Variants in CADPS observed in about 807,000 individuals in gnomAD.
CADPS encodes calcium-dependent secretion activator 1.
A neutral mutation model predicts 167.3 loss-of-function variants in CADPS; 57 were observed. The ratio of observed to expected loss-of-function variants is 0.34; its 90% CI spans 0.28 to 0.42. The LOEUF (loss-of-function observed/expected upper bound fraction) is 0.42. CADPS is among the 20% of genes least tolerant of loss of function. The pLI, the probability that CADPS is intolerant of heterozygous loss-of-function variation, is 1.00. For synonymous variants in CADPS, 676 were observed against 635.3 expected, an observed-to-expected ratio of 1.06 and a Z score of -0.96; for missense variants, 1,414 against 1,738.1, an observed-to-expected ratio of 0.81 and a Z score of 3.32.
At chr3:62,550,882 C>A (rs769966682) in intron 10 of CADPS, 2 of 456,696 alleles carry the variant, frequency 4.4e-6, no homozygotes, top group South Asian at 3.1e-5. Flanking sequence ...CTTCAAGATG[C>A]TTTCTTTACT....
In CADPS at chr3:62,649,412, T is replaced by C. The variant is rs553583768; in HGVS notation, c.1203+1435A>G. On this transcript the variant is annotated intron_variant, in intron 5 of 29. Transcript: ENST00000383710. ...ATCATCATAAATTAGTTTTAGAATATTTTTAGTTTTCCTAACAAGATTTCT... is the reference window on the plus strand; with the variant it reads ...ATCATCATAAATTAGTTTTAGAATACTTTTAGTTTTCCTAACAAGATTTCT... Among the ~76,000 whole-genome samples the C allele has an allele frequency of 1.5e-3, 233 of 152,198 alleles. 1 individual carries two copies. Among genetic ancestry groups the C allele is most frequent in the African/African-American group, 5.5e-3 (227 of 41,528 alleles).
intron 9 of CADPS, among the ~76,000 whole-genome samples, chr3:62,566,899 T>C (rs921694392): frequency 1.3e-5 from 2 of 152,146 alleles, no homozygotes; most frequent in African/African-American, 4.8e-5. Flanking sequence ...TTCACAGAAT[T>C]CTGAACTTAT....
intron 1 of CADPS, among the ~76,000 whole-genome samples, chr3:62,776,655 AAACAAC>A (rs773417197): frequency 2.6e-5 from 4 of 152,136 alleles, no homozygotes; most frequent in South Asian, 2.1e-4. Context: ...CTCCATCTCA[AAACAAC>A]AACAACAACA....
intron 26 of CADPS, among the ~76,000 whole-genome samples, chr3:62,464,426 G>T (rs1271647027): frequency 6.6e-6 from 1 of 152,084 alleles, no homozygotes; most frequent in African/African-American, 2.4e-5. Context: ...CCTTTCCTAT[G>T]GTGTTGTCAG....
chr3:62,629,449 CA>C (rs2064823598), intron 6 of CADPS, among the ~76,000 whole-genome samples: 2 of 152,316 alleles, frequency 1.3e-5, no homozygotes, highest in South Asian at 4.1e-4. Context: ...ATGAGGACTT[CA>C]ATCCTTTTTA....
intron 1 of CADPS, among the ~76,000 whole-genome samples, chr3:62,786,200 A>C (rs1559613842): frequency 6.6e-6 from 1 of 152,032 alleles, no homozygotes; most frequent in Non-Finnish European, 1.5e-5. Context: ...GGGACAGAGC[A>C]AGACTCTGCT....
chr3:62,831,341 A>G (rs1480127151), intron 1 of CADPS, among the ~76,000 whole-genome samples: 1 of 152,182 alleles, frequency 6.6e-6, no homozygotes, highest in African/African-American at 2.4e-5. Context: ...CAGAGACACT[A>G]TCATATCTAG....
In CADPS at chr3:62,544,751, G is replaced by T; in HGVS notation, c.1966+5152C>A. 4.0e-6 allele frequency: 2 copies of T among 502,848 alleles called. No homozygotes were observed. Among genetic ancestry groups the T allele is most frequent in the Non-Finnish European group, 5.5e-6 (2 of 365,648 alleles). The allele number at this position is 502,848 out of a possible 1,614,324, so 31.1% of individuals were successfully genotyped here. A position where few individuals can be genotyped will look rare whatever the true frequency, so the allele number is the denominator to read the frequency against. ...ATGAAAAGTTGTACTACAAATTCTA[G>T]ACATGAGGAAGATTTAAGGGGGAGG... On this transcript the variant is annotated intron_variant, in intron 11 of 29. Transcript: ENST00000383710. This position sits in a 1 kb window ranked among gnomAD's most constrained non-coding sequence, Gnocchi z 4.4.
At chr3:62,843,154 A>C (rs939340390) in intron 1 of CADPS, among the ~76,000 whole-genome samples, 1 of 152,218 alleles carries the variant, frequency 6.6e-6, no homozygotes, top group African/African-American at 2.4e-5. Context: ...TTTTATGAAG[A>C]ATGATCTTCC....
chr3:62,534,639 A>G (rs913106560), intron 12 of CADPS, among the ~76,000 whole-genome samples: 1 of 152,196 alleles, frequency 6.6e-6, no homozygotes, highest in African/African-American at 2.4e-5. Context: ...AAAGAGTTGA[A>G]GAAATATCAA....
intron 1 of CADPS, among the ~76,000 whole-genome samples, chr3:62,780,984 G>T (rs765584032): frequency 2.8e-4 from 42 of 152,058 alleles, no homozygotes; most frequent in Non-Finnish European, 5.4e-4. Context: ...TATATCTTAG[G>T]ACTCGTACAT....
intron 13 of CADPS, among the ~76,000 whole-genome samples, chr3:62,522,649 A>G (rs141308596): frequency 1.3e-5 from 2 of 152,354 alleles, no homozygotes; most frequent in East Asian, 3.9e-4. Context: ...ATATAAGTTC[A>G]TAAAGCACAT....
Position 62,575,544 on chromosome 3 carries a change from C to T in CADPS, c.1578-4606G>A, listed in dbSNP as rs142364012. Among the ~76,000 whole-genome samples the T allele has an allele frequency of 2.1e-3, 325 of 152,228 alleles. 3 individuals are homozygous for T. Among genetic ancestry groups the T allele is most frequent in the Admixed American group, 0.017 (265 of 15,286 alleles). On this transcript the variant is annotated intron_variant, in intron 8 of 29. Coordinates refer to ENST00000383710, the MANE Select transcript of CADPS (RefSeq NM_003716.4). ...ATAGCTAGCTTAAAGTAAATACTTG[C>T]TATTAGATATATCATTATATACTAT...
At chr3:62,691,913 A>T (rs769498120) in intron 3 of CADPS, among the ~76,000 whole-genome samples, 57 of 152,088 alleles carry the variant, frequency 3.7e-4, no homozygotes, top group Non-Finnish European at 6.0e-4. Context: ...CATCCTGCAC[A>T]TGTACCCCTG....
intron 1 of CADPS, among the ~76,000 whole-genome samples, chr3:62,810,486 T>C (rs1016521552): frequency 3.3e-5 from 5 of 152,152 alleles, no homozygotes; most frequent in African/African-American, 9.7e-5. Context: ...ATTAAAATCA[T>C]TGGGGAAATT....
At position 62,557,095 on chromosome 3, in the gene CADPS, T is replaced by C. The variant is rs2078297066; in HGVS notation, c.1753+310A>G. Among the ~76,000 whole-genome samples, 4 of 151,954 alleles carry C rather than the reference T, an allele frequency of 2.6e-5. No individual in the cohort carries two copies. The South Asian group carries it at 8.3e-4, about 32-fold the overall frequency. ...ACTACTTCTTTTTCAGAATTTTTTT[T>C]TTAGCATTGTATGGTGGAGTCCATA... On this transcript the variant is annotated intron_variant, in intron 10 of 29. Coordinates refer to ENST00000383710, the MANE Select transcript of CADPS (RefSeq NM_003716.4).
intron 3 of CADPS, among the ~76,000 whole-genome samples, chr3:62,716,941 T>C (rs1581038557): frequency 6.6e-6 from 1 of 152,140 alleles, no homozygotes; most frequent in East Asian, 1.9e-4. Flanking sequence ...CAGAGATAAT[T>C]AAAAGACTAG....
intron 1 of CADPS, chr3:62,779,860 A>AT (rs1490793403): frequency 4.4e-6 from 1 of 227,900 alleles, no homozygotes; most frequent in East Asian, 1.2e-4. Flanking sequence ...GGGAGACAGT[A>AT]GATGGTACAG....
chr3:62,464,187 C>T lies in CADPS; in HGVS notation c.3636+1180G>A, dbSNP rs140276477. On this transcript the variant is annotated intron_variant, in intron 26 of 29. Coordinates refer to ENST00000383710, the MANE Select transcript of CADPS (RefSeq NM_003716.4). ...ATATTATCTGCCCTGCACTCCCTTA[C>T]AAATGAGAAAACTGAGGTTCTGAGG... Among the ~76,000 whole-genome samples, 95 of 152,276 alleles carry T rather than the reference C, an allele frequency of 6.2e-4. 1 individual carries two copies. In the East Asian group the frequency reaches 0.018, roughly 28 times the overall value.
Sources: allele counts gnomAD v4.1 joint callset (sites outside exome capture counted in the v4.1 genomes callset), GRCh38; gene constraint gnomAD v4.1.1; non-coding constraint Gnocchi (gnomAD v3.1); transcripts MANE v1.5; gene names NCBI Gene and HGNC (gene_info 2026-07-23, HGNC 2026-07-21).